Variants in TESC observed in about 807,000 individuals in gnomAD.
TESC encodes calcineurin B homologous protein 3.
TESC carries 19 observed loss-of-function variants against 31.0 expected under a neutral mutation model. The ratio of observed to expected loss-of-function variants is 0.61; its 90% CI spans 0.43 to 0.90. TESC has a LOEUF of 0.90. Among genes scored for constraint, TESC ranks in the 40% least tolerant of loss-of-function variants. The probability of loss-of-function intolerance (pLI) is 0.00; values close to 1 mark genes in which losing one functional copy is unlikely to be tolerated. For synonymous variants in TESC, 109 were observed against 114.8 expected, an observed-to-expected ratio of 0.95 and a Z score of 0.32; for missense variants, 248 against 303.8, an observed-to-expected ratio of 0.82 and a Z score of 1.36.
At chr12:117,064,328 T>C (rs1032879392) in intron 2 of TESC, among the ~76,000 whole-genome samples, 7 of 152,214 alleles carry the variant, frequency 4.6e-5, no homozygotes, top group African/African-American at 1.7e-4. Flanking sequence ...CCTATCCACA[T>C]TTTTGCACAG....
intron 4 of TESC, among the ~76,000 whole-genome samples, chr12:117,047,414 A>ATT (rs61257950): frequency 0.02 from 2,864 of 144,942 alleles, 83 homozygotes; most frequent in African/African-American, 0.064. Flanking sequence ...CTGTGTTGGC[A>ATT]TTTTTTTTTT....
chr12:117,082,091 G>T (rs12298209), intron 1 of TESC, among the ~76,000 whole-genome samples: 4,352 of 151,588 alleles, frequency 0.029, 229 homozygotes, highest in African/African-American at 0.1. Context: ...AAATTAGCTG[G>T]GTGTGGACTA....
rs533380236 is a variant in TESC at position 117,073,862 on chromosome 12, T to C, written c.128+1409A>G. On this transcript the variant is annotated intron_variant, in intron 2 of 7. Transcript: ENST00000335209. The stretch of plus-strand genomic sequence containing the variant: ...CAGGAGGCTGAGGCGGGGGGACTGC[T>C]TGAGCTCAGGAGTTCAAGATCACCC... 1.6e-3 allele frequency among the ~76,000 whole-genome samples: 243 copies of C among 152,208 alleles called. 1 individual carries two copies. Among genetic ancestry groups the C allele is most frequent in the African/African-American group, 5.6e-3 (233 of 41,524 alleles).
intron 1 of TESC, chr12:117,098,559 C>G (rs1234931804): frequency 6.6e-6 from 1 of 152,352 alleles, no homozygotes; most frequent in East Asian, 1.9e-4. Context: ...TCCCAGGGCT[C>G]CCCGCCTCCG....
intron 1 of TESC, among the ~76,000 whole-genome samples, chr12:117,075,982 TA>T (rs1477860314): frequency 3.0e-4 from 37 of 122,052 alleles, no homozygotes; most frequent in African/African-American, 1.1e-3. Context: ...TATATATATA[TA>T]TATTTTTTTT....
chr12:117,089,371 A>G (rs556364509), intron 1 of TESC, among the ~76,000 whole-genome samples: 1 of 152,328 alleles, frequency 6.6e-6, no homozygotes, highest in African/African-American at 2.4e-5. Flanking sequence ...GGCCAAGGGG[A>G]GTTGGGAAAA....
intron 3 of TESC, among the ~76,000 whole-genome samples, chr12:117,055,063 C>T (rs1005011148): frequency 3.9e-5 from 6 of 152,186 alleles, no homozygotes; most frequent in Non-Finnish European, 7.3e-5. Context: ...GGCCAAAGTG[C>T]ACACCTCTTT....
intron 6 of TESC, among the ~76,000 whole-genome samples, chr12:117,042,589 G>A (rs1565957148): frequency 6.6e-6 from 1 of 152,206 alleles, no homozygotes; most frequent in Non-Finnish European, 1.5e-5. Context: ...AGGGCCAGAG[G>A]GTGGCCACAA....
chr12:117,043,489 C>T (rs1049839416), intron 6 of TESC, among the ~76,000 whole-genome samples: 4 of 152,110 alleles, frequency 2.6e-5, no homozygotes, highest in Non-Finnish European at 2.9e-5. Context: ...CAGAGTCTCG[C>T]TCTGTTGCCC....
chr12:117,066,020 T>C (rs989471063), intron 2 of TESC, among the ~76,000 whole-genome samples: 8 of 152,000 alleles, frequency 5.3e-5, no homozygotes, highest in African/African-American at 1.9e-4. Flanking sequence ...ATTCTCCTCA[T>C]GTGCTGGGCC....
At chr12:117,087,655 C>T (rs953215411) in intron 1 of TESC, among the ~76,000 whole-genome samples, 7 of 152,204 alleles carry the variant, frequency 4.6e-5, no homozygotes, top group African/African-American at 1.7e-4. Context: ...CTGTTCTTTA[C>T]CATGCGCCTT....
At chr12:117,041,625 G>A (rs544885126) in intron 7 of TESC, among the ~76,000 whole-genome samples, 3 of 152,334 alleles carry the variant, frequency 2.0e-5, no homozygotes, top group East Asian at 1.9e-4. Context: ...GAGCCACCGC[G>A]CCCAGCCTAC....
chr12:117,062,788 C>G (rs971820878), intron 2 of TESC, among the ~76,000 whole-genome samples: 15 of 152,256 alleles, frequency 9.9e-5, no homozygotes, highest in Non-Finnish European at 1.8e-4. Context: ...CCCTAGGTCC[C>G]CGCCGGGCTG....
chr12:117,063,027 G>A (rs987281748), intron 2 of TESC, among the ~76,000 whole-genome samples: 1 of 152,176 alleles, frequency 6.6e-6, no homozygotes, highest in Non-Finnish European at 1.5e-5. Flanking sequence ...GAGCCCTCGG[G>A]GCTTCAGAAT....
At chr12:117,082,204 AC>A (rs1955158407) in intron 1 of TESC, among the ~76,000 whole-genome samples, 1 of 151,984 alleles carries the variant, frequency 6.6e-6, no homozygotes, top group Non-Finnish European at 1.5e-5. Flanking sequence ...CTGTCTCAAA[AC>A]AAAAAGAAAA....
intron 4 of TESC, among the ~76,000 whole-genome samples, chr12:117,047,303 T>TG (rs896446338): frequency 2.0e-5 from 3 of 152,190 alleles, no homozygotes; most frequent in African/African-American, 7.2e-5. Flanking sequence ...TGATCTAACA[T>TG]GGGCAGCCCC....
intron 6 of TESC, 78 bp from the exon 7 acceptor site, chr12:117,042,072 C>T: frequency 2.1e-6 from 3 of 1,419,594 alleles, no homozygotes; most frequent in Non-Finnish European, 2.9e-6. Flanking sequence ...GTCCACTGGC[C>T]TCCCCTCCCC....
At chr12:117,046,527 G>A in intron 6 of TESC, 32 bp downstream of exon 6, 2 of 1,532,216 alleles carry the variant, frequency 1.3e-6, no homozygotes, top group Non-Finnish European at 1.8e-6. Context: ...GAAAGGCACT[G>A]CGCGTCTCGG....
chr12:117,085,046 GC>G, intron 1 of TESC, among the ~76,000 whole-genome samples: 1 of 152,242 alleles, frequency 6.6e-6, no homozygotes, highest in Non-Finnish European at 1.5e-5. Flanking sequence ...CGCTGCTTCA[GC>G]TGGCCAAGGG....
Sources: allele counts gnomAD v4.1 joint callset (sites outside exome capture counted in the v4.1 genomes callset), GRCh38; gene constraint gnomAD v4.1.1; transcripts MANE v1.5; gene names NCBI Gene and HGNC (gene_info 2026-07-23, HGNC 2026-07-21).